The following CNTNAP5 variants were observed in gnomAD, a reference collection of about 807,000 sequenced individuals.
CNTNAP5 encodes the protein contactin-associated protein-like 5.
In CNTNAP5, 72 loss-of-function variants were observed where a neutral mutation model predicts 150.2. The ratio of observed to expected loss-of-function variants is 0.48; its 90% CI spans 0.40 to 0.58. CNTNAP5 has a LOEUF of 0.58. Among genes scored for constraint, CNTNAP5 ranks in the 20% least tolerant of loss-of-function variants. The probability of loss-of-function intolerance (pLI) is 0.00; values close to 1 mark genes in which losing one functional copy is unlikely to be tolerated. For synonymous variants in CNTNAP5, 672 were observed against 619.8 expected, an observed-to-expected ratio of 1.08 and a Z score of -1.25; for missense variants, 1,636 against 1,626.2, an observed-to-expected ratio of 1.01 and a Z score of -0.10.
At chr2:124,674,862 C>G (rs984499313) in intron 13 of CNTNAP5, among the ~76,000 whole-genome samples, 1 of 151,652 alleles carries the variant, frequency 6.6e-6, no homozygotes, top group African/African-American at 2.4e-5. Context: ...TGATTTTAAT[C>G]GTTATAAATT....
intron 13 of CNTNAP5, among the ~76,000 whole-genome samples, chr2:124,745,568 A>G (rs932910071): frequency 2.6e-5 from 4 of 152,216 alleles, no homozygotes; most frequent in Admixed American, 2.6e-4. Context: ...TTTAGGAAGA[A>G]AACAATTCAT....
chr2:124,629,773 GTT>G (rs771169353), intron 12 of CNTNAP5, among the ~76,000 whole-genome samples: 1,582 of 130,908 alleles, frequency 0.012, 23 homozygotes, highest in African/African-American at 0.041. Context: ...TCCAGGAGCT[GTT>G]TTTTTTTTTT....
At chr2:124,553,929 T>G (rs557613243) in intron 10 of CNTNAP5, among the ~76,000 whole-genome samples, 3 of 152,164 alleles carry the variant, frequency 2.0e-5, no homozygotes, top group Non-Finnish European at 4.4e-5. Context: ...AAGGTGGGAT[T>G]TAAGAACAGA....
intron 19 of CNTNAP5, among the ~76,000 whole-genome samples, chr2:124,827,187 G>A (rs756117937): frequency 6.6e-6 from 1 of 152,074 alleles, no homozygotes; most frequent in African/African-American, 2.4e-5. Context: ...GCCTCCCAAA[G>A]TACTGAGATT....
At chr2:124,690,414 C>T (rs1434151012) in intron 13 of CNTNAP5, among the ~76,000 whole-genome samples, 1 of 152,044 alleles carries the variant, frequency 6.6e-6, no homozygotes, top group Non-Finnish European at 1.5e-5. Flanking sequence ...AATATTCAAA[C>T]GAATTTTTTC....
chr2:124,902,804 C>T (rs1294339704), intron 21 of CNTNAP5, 78 bp from the exon 22 acceptor site: 2 of 920,802 alleles, frequency 2.2e-6, no homozygotes. Flanking sequence ...ATTTTAGATA[C>T]TACTCAAAGA....
chr2:124,635,978 T>G (rs1677961639), intron 12 of CNTNAP5, among the ~76,000 whole-genome samples: 1 of 152,218 alleles, frequency 6.6e-6, no homozygotes, highest in Non-Finnish European at 1.5e-5. Flanking sequence ...ACATGGGTTT[T>G]CCAGTGCTAG....
intron 3 of CNTNAP5, among the ~76,000 whole-genome samples, chr2:124,344,861 C>T (rs974148221): frequency 1.3e-5 from 2 of 152,172 alleles, no homozygotes; most frequent in African/African-American, 4.8e-5. Context: ...GCTGGGCAAA[C>T]TGGCATGACT....
At chr2:124,236,661 A>G (rs1686754366) in intron 2 of CNTNAP5, among the ~76,000 whole-genome samples, 1 of 152,200 alleles carries the variant, frequency 6.6e-6, no homozygotes, top group Admixed American at 6.5e-5. Flanking sequence ...CCATTTAATA[A>G]TTAAAGATGT....
chr2:124,276,615 A>G (rs545030976), intron 3 of CNTNAP5, among the ~76,000 whole-genome samples: 3 of 152,280 alleles, frequency 2.0e-5, no homozygotes, highest in Admixed American at 2.0e-4. Context: ...GATGAAAATG[A>G]CTTCCCAAGT....
At chr2:124,524,580 A>G in intron 9 of CNTNAP5, 128 bp downstream of exon 9, 1 of 813,792 alleles carries the variant, frequency 1.2e-6, no homozygotes, top group South Asian at 1.8e-5. Context: ...ACACACACAC[A>G]TGCACATACA....
chr2:124,173,419 G>A (rs1354357153), intron 1 of CNTNAP5, among the ~76,000 whole-genome samples: 1 of 152,214 alleles, frequency 6.6e-6, no homozygotes, highest in Admixed American at 6.5e-5. Context: ...TAAGTTCTGA[G>A]TGTGAAGAAA....
intron 3 of CNTNAP5, among the ~76,000 whole-genome samples, chr2:124,412,053 AC>A (rs1691782857): frequency 8.9e-6 from 1 of 112,452 alleles, no homozygotes; most frequent in South Asian, 3.2e-4. Flanking sequence ...AAATCAATGT[AC>A]AAAAATCACA....
intron 1 of CNTNAP5, among the ~76,000 whole-genome samples, chr2:124,203,911 A>G (rs147185830): frequency 7.9e-5 from 12 of 152,342 alleles, no homozygotes; most frequent in African/African-American, 2.9e-4. Context: ...TGTCTTGGCC[A>G]GTAACATTTG....
chr2:124,806,665 A>G (rs1180472593), intron 19 of CNTNAP5, among the ~76,000 whole-genome samples: 2 of 152,150 alleles, frequency 1.3e-5, no homozygotes, highest in Admixed American at 1.3e-4. Context: ...AATAATTATT[A>G]TTTGCCCTTA....
At chr2:124,333,757 T>A (rs1395257968) in intron 3 of CNTNAP5, among the ~76,000 whole-genome samples, 1 of 152,108 alleles carries the variant, frequency 6.6e-6, no homozygotes, top group Non-Finnish European at 1.5e-5. Flanking sequence ...AACAAAGAAT[T>A]TGTGGCTTCT....
intron 12 of CNTNAP5, among the ~76,000 whole-genome samples, chr2:124,635,153 A>T (rs78776292): frequency 0.013 from 2,018 of 152,258 alleles, 45 homozygotes; most frequent in African/African-American, 0.045. Context: ...AGGAAGTATG[A>T]TGGCTTCTGG....
chr2:124,898,429 CTTCCTGTAAAACAA>C (rs1678352406), intron 21 of CNTNAP5, among the ~76,000 whole-genome samples: 1 of 151,490 alleles, frequency 6.6e-6, no homozygotes, highest in Non-Finnish European at 1.5e-5. Context: ...CTATCACTCT[CTTCCTGTAAAACAA>C]TTGCGAATGT....
At chr2:124,634,743 A>C (rs1315369555) in intron 12 of CNTNAP5, among the ~76,000 whole-genome samples, 1 of 152,044 alleles carries the variant, frequency 6.6e-6, no homozygotes, top group Non-Finnish European at 1.5e-5. Flanking sequence ...AGCTCAAGTG[A>C]TTCATCCACC....
Sources: allele counts gnomAD v4.1 joint callset (sites outside exome capture counted in the v4.1 genomes callset), GRCh38; gene constraint gnomAD v4.1.1; transcripts MANE v1.5; gene names NCBI Gene and HGNC (gene_info 2026-07-23, HGNC 2026-07-21).